AFF2: variants seen among roughly 807,000 people sequenced by gnomAD.
The protein encoded by AFF2 is ALF transcription elongation factor 2.
AFF2 carries 14 observed loss-of-function variants against 76.9 expected under a neutral mutation model. That is an observed-to-expected ratio of 0.18 (90% CI 0.12 to 0.28). AFF2 has a LOEUF of 0.28. AFF2 is among the 10% of genes least tolerant of loss of function. The pLI is 1.00. For synonymous variants in AFF2, 398 were observed against 366.7 expected, an observed-to-expected ratio of 1.09 and a Z score of -0.98; for missense variants, 868 against 1,001.1, an observed-to-expected ratio of 0.87 and a Z score of 1.79.
chrX:148,627,173 G>A (rs1287764017), intron 1 of AFF2, among the ~76,000 whole-genome samples: 3 of 112,226 alleles, frequency 2.7e-5, no homozygotes, highest in Non-Finnish European at 3.8e-5. Context: ...CCATGATCCC[G>A]CCATTGCACT....
chrX:148,684,600 A>G (rs561608222), intron 3 of AFF2, among the ~76,000 whole-genome samples: 1 of 112,513 alleles, frequency 8.9e-6, no homozygotes, highest in South Asian at 3.6e-4. Context: ...TGCTCAAAAT[A>G]GCACTTAGGC....
intron 1 of AFF2, among the ~76,000 whole-genome samples, chrX:148,539,090 G>T (rs1557237029): frequency 8.9e-6 from 1 of 111,790 alleles, no homozygotes; most frequent in Non-Finnish European, 1.9e-5. Flanking sequence ...CATTAAGCAT[G>T]TGATGGGTTA....
At position 148,730,621 on chromosome X, in the gene AFF2, T is replaced by A. The variant is rs782794380; in HGVS notation, c.1041+67853T>A. ...TGCACATTCATGAGATGCACATGCA[T>A]TGACATGATCCGAACTATGTTTTTC... is the stretch of plus-strand genomic sequence containing the variant. On this transcript the variant is annotated intron_variant, in intron 3 of 20. Coordinates refer to ENST00000370460, the MANE Select transcript of AFF2 (RefSeq NM_002025.4). Among the ~76,000 whole-genome samples, 9 of 112,923 alleles carry A rather than the reference T, an allele frequency of 8.0e-5. No homozygotes were observed. The South Asian group carries it at 2.5e-3, about 32-fold the overall frequency.
At chrX:148,742,440 A>G (rs1047052824) in intron 3 of AFF2, among the ~76,000 whole-genome samples, 12 of 111,986 alleles carry the variant, frequency 1.1e-4, no homozygotes, top group African/African-American at 3.6e-4. Context: ...TCTATTATGT[A>G]TGAGTTTGTA....
chrX:148,885,662 C>T (rs1025810481), intron 7 of AFF2, among the ~76,000 whole-genome samples: 1 of 111,140 alleles, frequency 9.0e-6, no homozygotes, highest in Admixed American at 9.6e-5. Flanking sequence ...TAGTATTTTC[C>T]CCTTGATTTA....
At chrX:148,568,777 C>G (rs1557242089) in intron 1 of AFF2, among the ~76,000 whole-genome samples, 1 of 112,043 alleles carries the variant, frequency 8.9e-6, no homozygotes, top group Non-Finnish European at 1.9e-5. Flanking sequence ...ACATTTATTG[C>G]AATCTTGCCT....
intron 1 of AFF2, among the ~76,000 whole-genome samples, chrX:148,560,268 A>T (rs782689055): frequency 1.1e-4 from 12 of 111,834 alleles, no homozygotes; most frequent in African/African-American, 3.9e-4. Flanking sequence ...CTGATCTTTG[A>T]CAAACCTGAC....
At chrX:148,888,046 G>T (rs184387048) in intron 8 of AFF2, among the ~76,000 whole-genome samples, 1 of 111,672 alleles carries the variant, frequency 9.0e-6, no homozygotes, top group African/African-American at 3.3e-5. Flanking sequence ...GGCAAAATTC[G>T]CATAACATAA....
intron 1 of AFF2, among the ~76,000 whole-genome samples, chrX:148,503,504 T>C (rs1163672400): frequency 1.8e-5 from 2 of 112,308 alleles, no homozygotes; most frequent in Middle Eastern, 4.6e-3. Context: ...CTTGAATTTA[T>C]TCTTAACATT....
At chrX:148,719,471 C>T (rs2055066563) in intron 3 of AFF2, among the ~76,000 whole-genome samples, 1 of 111,742 alleles carries the variant, frequency 8.9e-6, no homozygotes, top group Non-Finnish European at 1.9e-5. Flanking sequence ...CAGAATGCTT[C>T]ACTGACTGTC....
chrX:148,581,253 T>C (rs868919694), intron 1 of AFF2, among the ~76,000 whole-genome samples: 1 of 71,968 alleles, frequency 1.4e-5, no homozygotes, highest in Non-Finnish European at 2.5e-5. Flanking sequence ...TACACACATA[T>C]ACGTATACGT....
At chrX:148,814,965 AC>A (rs1390862976) in intron 4 of AFF2, among the ~76,000 whole-genome samples, 1 of 111,738 alleles carries the variant, frequency 8.9e-6, no homozygotes, top group South Asian at 3.7e-4. Flanking sequence ...TATAAATTTA[AC>A]CAATAATTAG....
At chrX:148,769,217 T>C (rs2069555520) in intron 3 of AFF2, among the ~76,000 whole-genome samples, 1 of 111,860 alleles carries the variant, frequency 8.9e-6, no homozygotes, top group Non-Finnish European at 1.9e-5. Context: ...AAAGGCTTAC[T>C]ATAGAAGTCT....
At position 148,994,497 on chromosome X, in the gene AFF2, A is replaced by G. The variant is rs1239608852; in HGVS notation, c.*3165A>G. 9 of 112,198 alleles carry G rather than the reference A, an allele frequency of 8.0e-5. No individual in the cohort carries two copies. The highest frequency in any genetic ancestry group is 2.6e-4 in the African/African-American group (8 of 30,835). The allele number at this position is 112,198 out of a possible 1,213,427, so 9.2% of individuals were successfully genotyped here. A position where few individuals can be genotyped will look rare whatever the true frequency, so the allele number is the denominator to read the frequency against. Reference sequence around the variant, plus strand: ...TTTTATATTTGGATGACATAATTGGAAAAGCAGATTAGCTGCTACTACTTT... The same window carrying G: ...TTTTATATTTGGATGACATAATTGGGAAAGCAGATTAGCTGCTACTACTTT... On this transcript the variant is annotated 3_prime_UTR_variant, in exon 21 of 21. Coordinates refer to ENST00000370460, the MANE Select transcript of AFF2 (RefSeq NM_002025.4).
At chrX:148,702,965 A>G (rs145759804) in intron 3 of AFF2, among the ~76,000 whole-genome samples, 13 of 112,314 alleles carry the variant, frequency 1.2e-4, no homozygotes, top group African/African-American at 3.9e-4. Context: ...CTCTTTGCCT[A>G]TTAGGCTCAG....
chrX:148,790,785 T>C (rs2069883330), intron 3 of AFF2, among the ~76,000 whole-genome samples: 1 of 111,751 alleles, frequency 8.9e-6, no homozygotes, highest in Non-Finnish European at 1.9e-5. Flanking sequence ...AAAATCACCA[T>C]GGCACATGTT....
At chrX:148,618,006 TTCTC>T (rs781991529) in intron 1 of AFF2, among the ~76,000 whole-genome samples, 2 of 111,573 alleles carry the variant, frequency 1.8e-5, no homozygotes, top group African/African-American at 6.5e-5. Flanking sequence ...TATTTTCTCT[TTCTC>T]TCTCTCTGAG....
chrX:148,817,024 G>A (rs782533529), intron 4 of AFF2, among the ~76,000 whole-genome samples: 1 of 109,065 alleles, frequency 9.2e-6, no homozygotes, highest in Non-Finnish European at 1.9e-5. Flanking sequence ...GACCAACATA[G>A]TGGCATGAAT....
At chrX:148,598,098 T>C (rs1191051978) in intron 1 of AFF2, among the ~76,000 whole-genome samples, 1 of 112,359 alleles carries the variant, frequency 8.9e-6, no homozygotes, top group Non-Finnish European at 1.9e-5. Flanking sequence ...CTCATACATC[T>C]AATAATTAAT....
Sources: gnomAD v4.1 joint callset for allele counts (sites outside exome capture counted in the v4.1 genomes callset) on GRCh38, gnomAD v4.1.1 for gene constraint, MANE v1.5 for transcripts, NCBI Gene and HGNC (gene_info 2026-07-23, HGNC 2026-07-21) for gene names.